ARID3A: variants seen among roughly 807,000 people sequenced by gnomAD.
The protein encoded by ARID3A is AT-rich interaction domain 3A, also known as AT-rich interactive domain-containing protein 3A.
In ARID3A, 11 loss-of-function variants were observed where a neutral mutation model predicts 52.7. The ratio of observed to expected loss-of-function variants is 0.21; its 90% confidence interval spans 0.13 to 0.35. The LOEUF is 0.35. Ranked by LOEUF, ARID3A falls within the 10% of genes least tolerant of loss-of-function variation. The pLI, the probability that ARID3A is intolerant of heterozygous loss-of-function variation, is 1.00. For synonymous variants in ARID3A, 404 were observed against 359.4 expected, an observed-to-expected ratio of 1.12 and a Z score of -1.40; for missense variants, 721 against 838.5, an observed-to-expected ratio of 0.86 and a Z score of 1.73.
At chr19:954,228 G>A (rs983522019) in intron 3 of ARID3A, among the ~76,000 whole-genome samples, 5 of 152,190 alleles carry the variant, frequency 3.3e-5, no homozygotes, top group Admixed American at 1.3e-4. Flanking sequence ...CAGGAGGGGC[G>A]GCCGGGGGAC....
At chr19:967,671 G>A (rs751159016) in intron 7 of ARID3A, among the ~76,000 whole-genome samples, 4 of 152,114 alleles carry the variant, frequency 2.6e-5, no homozygotes, top group Admixed American at 1.3e-4. Context: ...GACAGACACC[G>A]TCTACACCTT....
At chr19:957,384 C>CT (rs2037944625) in intron 3 of ARID3A, among the ~76,000 whole-genome samples, 1 of 152,224 alleles carries the variant, frequency 6.6e-6, no homozygotes, top group Non-Finnish European at 1.5e-5. Context: ...GTCCCGCACT[C>CT]GCCGCTGTGT....
chr19:935,487 A>G (rs2037420244), intron 3 of ARID3A, among the ~76,000 whole-genome samples: 2 of 152,072 alleles, frequency 1.3e-5, no homozygotes, highest in African/African-American at 2.4e-5. Flanking sequence ...TTGGATTATT[A>G]TTATTTTTGA....
chr19:937,640 C>A (rs1250650177), intron 3 of ARID3A, among the ~76,000 whole-genome samples: 2 of 151,946 alleles, frequency 1.3e-5, no homozygotes, highest in African/African-American at 4.8e-5. Context: ...CGTTACCTTC[C>A]CACCAGCCAC....
In ARID3A at chr19:964,551, G is replaced by A. The variant is rs116134004; in HGVS notation, c.950+120G>A. 2,884 of 1,347,036 alleles carry A rather than the reference G, an allele frequency of 2.1e-3. 50 individuals are homozygous for A. In the African/African-American group the frequency reaches 0.037, roughly 17 times the overall value. The allele number at this position is 1,347,036 out of a possible 1,614,324, so 83.4% of individuals were successfully genotyped here. On this transcript the variant is annotated intron_variant, in intron 5 of 8. Transcript: ENST00000263620. The surrounding 1 kb of genome is among the most constrained non-coding windows in gnomAD (Gnocchi z 5.7). ...GCAGAGGAGGGGGCAGTGGGCAGCC[G>A]CAAAGGGCACAGGGCCACACCGTGC...
chr19:964,237 C>T lies in ARID3A; in HGVS notation c.767-11C>T. The stretch of plus-strand genomic sequence containing the variant: ...GGTGGCCCCCAACCTCCCTCTCGCC[C>T]CTTCCCCCAGGGACACCTGTGAACC... On this transcript the variant is annotated splice_polypyrimidine_tract_variant and intron_variant, in intron 4 of 8. Coordinates refer to ENST00000263620, the MANE Select transcript of ARID3A (RefSeq NM_005224.3). The surrounding 1 kb of genome is among the most constrained non-coding windows in gnomAD (Gnocchi z 5.7). The T allele has an allele frequency of 1.2e-6, 2 of 1,605,124 alleles. No homozygotes were observed. Among genetic ancestry groups the T allele is most frequent in the Non-Finnish European group, 1.7e-6 (2 of 1,173,432 alleles).
At chr19:962,768 G>A (rs1297353604) in intron 4 of ARID3A, among the ~76,000 whole-genome samples, 2 of 152,136 alleles carry the variant, frequency 1.3e-5, no homozygotes, top group East Asian at 1.9e-4. Context: ...GCCCGCCTCA[G>A]CCTCCCAAAG....
At chr19:932,306 G>T in intron 2 of ARID3A, 112 bp from the exon 3 acceptor site, 2 of 1,543,116 alleles carry the variant, frequency 1.3e-6, no homozygotes, top group Non-Finnish European at 1.7e-6. Context: ...GCGGCGGCCG[G>T]CTCTTCCTAT....
rs539549713 is a variant in ARID3A, at chr19:963,910, G to A, written c.767-338G>A. ...AGGCAGAGTTGTTTTGGCAGCTGCC[G>A]TGGTGTGTGGCGTGGAGAAGGAATA... is the stretch of plus-strand genomic sequence containing the variant. On this transcript the variant is annotated intron_variant, in intron 4 of 8. Coordinates refer to ENST00000263620, the MANE Select transcript of ARID3A (RefSeq NM_005224.3). 6.6e-5 allele frequency among the ~76,000 whole-genome samples: 10 copies of A among 152,344 alleles called. No homozygotes were observed. The South Asian group carries it at 1.9e-3, about 28-fold the overall frequency.
Position 929,019 on chromosome 19 carries a change from C to G in ARID3A, c.-267-243C>G, listed in dbSNP as rs977123463. ...TGCTTGTGAAGCAATAATCCAAGAT[C>G]TCCTGGGGCAGACAGTCTGGCCACA... is the stretch of plus-strand genomic sequence containing the variant. On this transcript the variant is annotated intron_variant, in intron 1 of 8. Transcript: ENST00000263620. The surrounding 1 kb of genome is among the most constrained non-coding windows in gnomAD (Gnocchi z 6.2). The G allele has an allele frequency of 6.5e-6, 1 of 153,284 alleles. No homozygotes were observed. Among genetic ancestry groups the G allele is most frequent in the Non-Finnish European group, 1.5e-5 (1 of 68,682 alleles). The allele number at this position is 153,284 out of a possible 1,614,324, so 9.5% of individuals were successfully genotyped here. A position where few individuals can be genotyped will look rare whatever the true frequency, so the allele number is the denominator to read the frequency against.
intron 3 of ARID3A, among the ~76,000 whole-genome samples, chr19:940,946 C>T (rs941735448): frequency 6.6e-6 from 1 of 152,098 alleles, no homozygotes. Context: ...CAGCCCCTGG[C>T]ACTGTGCCCC....
intron 3 of ARID3A, among the ~76,000 whole-genome samples, chr19:935,626 C>G (rs936142039): frequency 3.9e-5 from 6 of 152,066 alleles, no homozygotes; most frequent in Non-Finnish European, 8.8e-5. Flanking sequence ...TACAGACGGG[C>G]GCCACCAAAC....
Position 942,848 on chromosome 19 carries a change from A to G in ARID3A, c.693+10106A>G, listed in dbSNP as rs1430540101. Among the ~76,000 whole-genome samples, 1 of 152,158 alleles carries G rather than the reference A, an allele frequency of 6.6e-6. No individual in the cohort carries two copies. Among genetic ancestry groups the G allele is most frequent in the Non-Finnish European group, 1.5e-5 (1 of 68,020 alleles). ...GCCTTCCGGGAGGAGCCCCGTCTGG[A>G]TTGGATGGCATCGCCCAAAACTCAC... is the stretch of plus-strand genomic sequence containing the variant. On this transcript the variant is annotated intron_variant, in intron 3 of 8. Coordinates refer to ENST00000263620, the MANE Select transcript of ARID3A (RefSeq NM_005224.3). This position sits in a 1 kb window ranked among gnomAD's most constrained non-coding sequence, Gnocchi z 8.1.
At chr19:933,024 A>G (rs1156901785) in intron 3 of ARID3A, among the ~76,000 whole-genome samples, 1 of 152,008 alleles carries the variant, frequency 6.6e-6, no homozygotes, top group East Asian at 1.9e-4. Flanking sequence ...GCAGAGATGG[A>G]AAGGTGGGCC....
rs551109076 is a variant in ARID3A, at chr19:960,352, C to T, written c.766+188C>T. The stretch of plus-strand genomic sequence containing the variant: ...AACACATCCTGCCATGGAGGTTTGA[C>T]GCGGGAGGCACGCCTGTGAGTCTAA... On this transcript the variant is annotated intron_variant, in intron 4 of 8. Coordinates refer to ENST00000263620, the MANE Select transcript of ARID3A (RefSeq NM_005224.3). This position sits in a 1 kb window ranked among gnomAD's most constrained non-coding sequence, Gnocchi z 4.3. Among the ~76,000 whole-genome samples the T allele has an allele frequency of 1.3e-5, 2 of 152,156 alleles. No individual in the cohort carries two copies. The highest frequency in any genetic ancestry group is 2.4e-5 in the African/African-American group (1 of 41,506).
chr19:969,493 C>T (rs1348166313), intron 8 of ARID3A, among the ~76,000 whole-genome samples: 3 of 151,732 alleles, frequency 2.0e-5, no homozygotes, highest in Admixed American at 6.6e-5. Flanking sequence ...GTCAAGATCA[C>T]ACCATTGCAC....
rs563057498 is a variant in ARID3A, at chr19:961,507, C to T, written c.766+1343C>T. ...CCCCATGACCCTTTATCATCCTGTT[C>T]GCACCTGCTCAGCCCTGACCACTCT... On this transcript the variant is annotated intron_variant, in intron 4 of 8. Transcript: ENST00000263620. Among the ~76,000 whole-genome samples, 10 of 152,316 alleles carry T rather than the reference C, an allele frequency of 6.6e-5. No individual in the cohort carries two copies. The South Asian group carries it at 1.2e-3, about 19-fold the overall frequency.
In ARID3A at chr19:964,753, G is replaced by A; in HGVS notation, c.951-80G>A. The A allele has an allele frequency of 6.5e-7, 1 of 1,530,848 alleles. No homozygotes were observed. The highest frequency in any genetic ancestry group is 8.8e-7 in the Non-Finnish European group (1 of 1,135,226). The allele number at this position is 1,530,848 out of a possible 1,614,324, so 94.8% of individuals were successfully genotyped here. A position where few individuals can be genotyped will look rare whatever the true frequency, so the allele number is the denominator to read the frequency against. On this transcript the variant is annotated intron_variant, in intron 5 of 8. Coordinates refer to ENST00000263620, the MANE Select transcript of ARID3A (RefSeq NM_005224.3). This position sits in a 1 kb window ranked among gnomAD's most constrained non-coding sequence, Gnocchi z 5.7. Reference sequence around the variant, plus strand: ...GAACCAGGGATGGTGGTGCCACAGTGGGGTTTACTTTGTACTGAAGGCCAA... The same window carrying A: ...GAACCAGGGATGGTGGTGCCACAGTAGGGTTTACTTTGTACTGAAGGCCAA...
chr19:958,435 A>G (rs1186232627), intron 3 of ARID3A, among the ~76,000 whole-genome samples: 2 of 151,472 alleles, frequency 1.3e-5, no homozygotes, highest in African/African-American at 2.4e-5. Flanking sequence ...CTCAAAAAAA[A>G]AAAAAAAAAA....
Sources: gnomAD v4.1 joint callset for allele counts (sites outside exome capture counted in the v4.1 genomes callset) on GRCh38, gnomAD v4.1.1 for gene constraint, Gnocchi (gnomAD v3.1) non-coding constraint, MANE v1.5 for transcripts, NCBI Gene and HGNC (gene_info 2026-07-23, HGNC 2026-07-21) for gene names.